SETD5: variants seen among roughly 807,000 people sequenced by gnomAD.
SETD5 encodes the protein SET domain containing 5, also known as histone-lysine N-methyltransferase SETD5.
A neutral mutation model predicts 153.3 loss-of-function variants in SETD5; 44 were observed. The ratio of observed to expected loss-of-function variants is 0.29; its 90% CI spans 0.23 to 0.37. The LOEUF is 0.37. SETD5 is among the 10% of genes least tolerant of loss of function. The pLI, the probability that SETD5 is intolerant of heterozygous loss-of-function variation, is 1.00. For synonymous variants in SETD5, 716 were observed against 645.2 expected (o/e 1.11, Z -1.66); for missense variants, 1,544 against 1,768.0 (o/e 0.87, Z 2.27).
At chr3:9,456,325 A>G (rs1398358257) in intron 17 of SETD5, among the ~76,000 whole-genome samples, 1 of 151,988 alleles carries the variant, frequency 6.6e-6, no homozygotes, top group Non-Finnish European at 1.5e-5. Flanking sequence ...AAAATACAAA[A>G]ATTAGCTGGG....
intron 2 of SETD5, among the ~76,000 whole-genome samples, chr3:9,426,334 A>G (rs2039241250): frequency 6.9e-6 from 1 of 144,150 alleles, no homozygotes; most frequent in African/African-American, 2.6e-5. Context: ...TCCCAGGCTC[A>G]AGCAATCCTC....
chr3:9,445,136 C>T lies in SETD5; in HGVS notation c.1276C>T (p.Leu426=). 1 of 1,613,992 alleles carries T rather than the reference C, an allele frequency of 6.2e-7. No homozygotes were observed. Among genetic ancestry groups the T allele is most frequent in the Non-Finnish European group, 8.5e-7 (1 of 1,179,872 alleles). The change falls in exon 12 of 23, where the codon CTA becomes TTA. Residue 426 remains leucine, a synonymous_variant. Coordinates refer to ENST00000402198, the MANE Select transcript of SETD5 (RefSeq NM_001080517.3). ...RNPNATELPL[L]PPPPSLPTIG... is the part of the protein sequence containing the mutation. ...TCCTAATGCTACAGAACTGCCACTC[C>T]TACCACCTCCTCCAAGCCTACCCAC...
At chr3:9,399,821 C>T (rs1457622384) in intron 1 of SETD5, among the ~76,000 whole-genome samples, 3 of 97,104 alleles carry the variant, frequency 3.1e-5, no homozygotes, top group African/African-American at 3.6e-5. Context: ...GCATGGAGCA[C>T]TGGTCCAAAA....
rs551097864 is a variant in SETD5, at chr3:9,402,932, A to C, written c.-177+4955A>C. Among the ~76,000 whole-genome samples, 173 of 152,282 alleles carry C rather than the reference A, an allele frequency of 1.1e-3. 1 individual carries two copies. Among genetic ancestry groups the C allele is most frequent in the Admixed American group, 2.0e-3 (30 of 15,292 alleles). ...GTAGAAAAGGAAGATTTTTGTTTCA[A>C]ATTGCCAGCTGCTTATGTCAGACTG... On this transcript the variant is annotated intron_variant, in intron 1 of 22. Coordinates refer to ENST00000402198, the MANE Select transcript of SETD5 (RefSeq NM_001080517.3).
At chr3:9,454,813 T>C (rs998135289) in intron 17 of SETD5, among the ~76,000 whole-genome samples, 1 of 152,086 alleles carries the variant, frequency 6.6e-6, no homozygotes, top group Non-Finnish European at 1.5e-5. Flanking sequence ...TTTTTACCAG[T>C]TTCTCCTGCA....
chr3:9,444,098 TTTTAA>T (rs1486565572), intron 11 of SETD5, among the ~76,000 whole-genome samples: 2 of 152,164 alleles, frequency 1.3e-5, no homozygotes, highest in Middle Eastern at 3.2e-3. Flanking sequence ...TTACCTCTAC[TTTTAA>T]TTTGTCAATT....
Position 9,476,399 on chromosome 3 carries a change from G to A in SETD5, c.*308G>A, listed in dbSNP as rs142730352. On this transcript the variant is annotated 3_prime_UTR_variant, in exon 23 of 23. Coordinates refer to ENST00000402198, the MANE Select transcript of SETD5 (RefSeq NM_001080517.3). ...TGCAATGAGTTGTGTTGAAGCCTCCGTCTCCCATCCTTGCCTGTAGCCCGT... is the reference window on the plus strand; with the variant it reads ...TGCAATGAGTTGTGTTGAAGCCTCCATCTCCCATCCTTGCCTGTAGCCCGT... 713 of 283,350 alleles carry A rather than the reference G, an allele frequency of 2.5e-3. 3 individuals are homozygous for A. Among genetic ancestry groups the A allele is most frequent in the Admixed American group, 9.2e-3 (200 of 21,672 alleles). The allele number at this position is 283,350 out of a possible 1,614,324, so 17.6% of individuals were successfully genotyped here.
intron 1 of SETD5, among the ~76,000 whole-genome samples, chr3:9,400,359 T>A (rs1298523171): frequency 3.9e-5 from 6 of 152,238 alleles, no homozygotes; most frequent in East Asian, 1.9e-4. Context: ...ATTTTAAGAA[T>A]CTTTCTGATA....
At chr3:9,408,675 A>C (rs2036097663) in intron 1 of SETD5, among the ~76,000 whole-genome samples, 3 of 152,204 alleles carry the variant, frequency 2.0e-5, no homozygotes, top group Admixed American at 2.0e-4. Context: ...CATATTTTAT[A>C]ATAGTACTGT....
chr3:9,475,706 C>T lies in SETD5; in HGVS notation c.3944C>T (p.Thr1315Met), dbSNP rs202179816. 111 of 1,613,846 alleles carry T rather than the reference C, an allele frequency of 6.9e-5. No individual in the cohort carries two copies. In the African/African-American group the frequency reaches 1.1e-3, roughly 15 times the overall value. ...PVSTDSLAPF[T>M]GTPGYFSSQP... ...TCCACAGACTCGTTGGCCCCATTTA[C>T]GGGGACACCAGGGTATTTTAGCAGC... is the stretch of plus-strand genomic sequence containing the variant. The change falls in exon 23 of 23, where the codon ACG (threonine) becomes ATG (methionine). Residue 1315 changes from threonine (T) to methionine (M), a missense_variant. By Grantham distance (81) the Thr-to-Met change is moderately conservative. This residue lies in a region of SETD5 where 302 missense variants were observed against 277.6 expected (regional missense o/e 1.09). Transcript: ENST00000402198.
At chr3:9,432,211 T>C in intron 3 of SETD5, 1 of 832,418 alleles carries the variant, frequency 1.2e-6, no homozygotes, top group Non-Finnish European at 1.4e-6. Flanking sequence ...AGTAATAAAA[T>C]GCATGCACCT....
chr3:9,434,824 G>A lies in SETD5; in HGVS notation c.330G>A (p.Arg110=). 1 of 1,612,908 alleles carries A rather than the reference G, an allele frequency of 6.2e-7. No homozygotes were observed. The highest frequency in any genetic ancestry group is 8.5e-7 in the Non-Finnish European group (1 of 1,179,544). The change falls in exon 6 of 23, where the codon AGG becomes AGA. Residue 110 remains arginine (R), a splice_region_variant and synonymous_variant. Coordinates refer to ENST00000402198, the MANE Select transcript of SETD5 (RefSeq NM_001080517.3). The surrounding 1 kb of genome is among the most constrained non-coding windows in gnomAD (Gnocchi z 5.6). The part of the protein sequence containing the change: ...DGFLLNCDKC[R]GMSRGKVIRL... Reference sequence around the variant, plus strand: ...CTTTAAGTTTATTTTCCCTCTTTAGGGGAATGAGCAGGGGGAAGGTTATTA... The same window carrying A: ...CTTTAAGTTTATTTTCCCTCTTTAGAGGAATGAGCAGGGGGAAGGTTATTA...
At chr3:9,429,692 T>C (rs2039748009) in intron 3 of SETD5, 1 of 359,050 alleles carries the variant, frequency 2.8e-6, no homozygotes, top group Non-Finnish European at 5.0e-6. Context: ...TACAACTTTA[T>C]ATATATTATT....
In SETD5 at chr3:9,478,021, C is replaced by G. The variant is rs1268020089; in HGVS notation, c.*1930C>G. The G allele has an allele frequency of 6.6e-6, 1 of 152,220 alleles. No individual in the cohort carries two copies. The highest frequency in any genetic ancestry group is 1.5e-5 in the Non-Finnish European group (1 of 68,264). 9.4% of individuals were successfully genotyped at this position (152,220 alleles called of 1,614,324 possible). On this transcript the variant is annotated 3_prime_UTR_variant, in exon 23 of 23. Transcript: ENST00000402198. Reference sequence around the variant, plus strand: ...GGTAGGGGCGGGGGGGTGGGGGGAACTCTTGGAAGGGAAGAAGTATCACTT... The same window carrying G: ...GGTAGGGGCGGGGGGGTGGGGGGAAGTCTTGGAAGGGAAGAAGTATCACTT...
chr3:9,398,043 C>T (rs1190966814), intron 1 of SETD5, 66 bp downstream of exon 1: 1 of 152,252 alleles, frequency 6.6e-6, no homozygotes, highest in Non-Finnish European at 1.5e-5. Context: ...AGGGTCACCT[C>T]CTCCGTCTCC....
chr3:9,460,643 A>G (rs192051618), intron 17 of SETD5, among the ~76,000 whole-genome samples: 94 of 152,274 alleles, frequency 6.2e-4, no homozygotes, highest in Middle Eastern at 3.4e-3. Context: ...TAAGCCCAGT[A>G]TATGTAAGAA....
intron 18 of SETD5, 105 bp downstream of exon 18, chr3:9,464,777 TC>T: frequency 1.9e-6 from 3 of 1,559,824 alleles, no homozygotes; most frequent in Non-Finnish European, 2.6e-6. Context: ...CTATCTTTCT[TC>T]CCCATCTCAG....
intron 3 of SETD5, among the ~76,000 whole-genome samples, chr3:9,433,046 G>A (rs1404611211): frequency 6.6e-6 from 1 of 152,154 alleles, no homozygotes; most frequent in Non-Finnish European, 1.5e-5. Flanking sequence ...TAAAAATGGA[G>A]TATATACCAT....
intron 20 of SETD5, 57 bp downstream of exon 20, chr3:9,473,594 T>G: frequency 4.0e-5 from 57 of 1,437,586 alleles, no homozygotes; most frequent in Non-Finnish European, 4.9e-5. Context: ...AGTATATATC[T>G]AAGATCATTC....
Sources: gnomAD v4.1 joint callset for allele counts (sites outside exome capture counted in the v4.1 genomes callset) on GRCh38, gnomAD v4.1.1 for gene constraint, gnomAD v4.1.1 regional missense constraint, Gnocchi (gnomAD v3.1) non-coding constraint, MANE v1.5 for transcripts, NCBI Gene and HGNC (gene_info 2026-07-23, HGNC 2026-07-21) for gene names.